Variants in HLA-DQB1 observed in about 807,000 individuals in gnomAD.
HLA-DQB1 encodes the protein major histocompatibility complex, class II, DQ beta 1.
In HLA-DQB1, 13 loss-of-function variants were observed where a neutral mutation model predicts 26.4. The ratio of observed to expected loss-of-function variants is 0.49; its 90% confidence interval spans 0.32 to 0.78. The LOEUF is 0.78. Ranked by LOEUF, HLA-DQB1 falls within the 30% of genes least tolerant of loss-of-function variation. HLA-DQB1 has a pLI of 0.03. For synonymous variants in HLA-DQB1, 60 were observed against 129.1 expected, an observed-to-expected ratio of 0.46 and a Z score of 3.63; for missense variants, 158 against 326.2, an observed-to-expected ratio of 0.48 and a Z score of 3.97.
chr6:32,666,341 A>G (rs68082907), intron 1 of HLA-DQB1, among the ~76,000 whole-genome samples, 158 bp downstream of exon 1: 26,153 of 149,920 alleles, frequency 0.17, 2,584 homozygotes, highest in South Asian at 0.22. Context: ...TCACTAAAAG[A>G]TAAATGGGAA....
At chr6:32,659,628 C>G (rs1130455) in exon 5 of HLA-DQB1, 27,442 of 151,464 alleles carry the variant, frequency 0.18, 2,666 homozygotes, top group South Asian at 0.23. Context: ...ACAGCACTCA[C>G]CAAACCAGAA....
chr6:32,666,143 G>A lies in HLA-DQB1; in HGVS notation c.109+356C>T, dbSNP rs281861148. Among the ~76,000 whole-genome samples, 1,896 of 145,830 alleles carry A rather than the reference G, an allele frequency of 0.013. 100 individuals are homozygous for A. The South Asian group carries it at 0.14, about 11-fold the overall frequency. ...GATCTCATAATCCTAAGTCCAGGCA[G>A]TCTTGGGGCACGCCTAAATGACAAA... On this transcript the variant is annotated intron_variant, in intron 1 of 4. Coordinates refer to ENST00000434651, the Ensembl canonical transcript of HLA-DQB1.
At chr6:32,665,014 G>C in exon 2 of HLA-DQB1, 1 of 1,388,038 alleles carries the variant, frequency 7.2e-7, no homozygotes, top group Non-Finnish European at 1.0e-6. Flanking sequence ...AGACGCACGC[G>C]CTCCGTCCCG....
intron 3 of HLA-DQB1, 82 bp downstream of exon 3, chr6:32,661,885 G>T (rs9273877): frequency 1.9e-6 from 2 of 1,056,158 alleles, no homozygotes; most frequent in Non-Finnish European, 2.8e-6. Flanking sequence ...GTGACATCAG[G>T]GATAAGAGAT....
In HLA-DQB1 at chr6:32,666,421, C is replaced by A. The variant is rs281860915; in HGVS notation, c.109+78G>T. On this transcript the variant is annotated intron_variant, in intron 1 of 4. Transcript: ENST00000434651. ...AGATTGTGTCCAAGATCATAGAGAT[C>A]ACCATCCCCCATACCCCAGCCCAAG... The A allele has an allele frequency of 1.4e-3, 685 of 495,614 alleles. 20 individuals are homozygous for A. Among genetic ancestry groups the A allele is most frequent in the African/African-American group, 0.013 (521 of 39,806 alleles). 30.7% of individuals were successfully genotyped at this position (495,614 alleles called of 1,614,324 possible). A position where few individuals can be genotyped will look rare whatever the true frequency, so the allele number is the denominator to read the frequency against.
rs9273851 is a variant in HLA-DQB1 at position 32,661,824 on chromosome 6, C to T, written c.661+143G>A. On this transcript the variant is annotated intron_variant, in intron 3 of 4. Transcript: ENST00000434651. ...ATGAGACCAGGATTCTTCTGATGCACTTGCCATGGAGCAAGAGGTGCTCTA... is the reference window on the plus strand; with the variant it reads ...ATGAGACCAGGATTCTTCTGATGCATTTGCCATGGAGCAAGAGGTGCTCTA... 1.4e-5 allele frequency: 10 copies of T among 691,056 alleles called. No individual in the cohort carries two copies. In the East Asian group the frequency reaches 2.1e-4, roughly 14 times the overall value. The allele number at this position is 691,056 out of a possible 1,614,324, so 42.8% of individuals were successfully genotyped here.
Position 32,662,005 on chromosome 6 carries a change from TC to T in HLA-DQB1, c.622del (p.Glu208SerfsTer25). The T allele has an allele frequency of 6.5e-7, 1 of 1,546,078 alleles. No individual in the cohort carries two copies. The highest frequency in any genetic ancestry group is 8.8e-7 in the Non-Finnish European group (1 of 1,135,486). On this transcript the variant is annotated frameshift_variant, in exon 3 of 5. Transcript: ENST00000434651. LOFTEE classifies it high-confidence loss of function. The stretch of plus-strand genomic sequence containing the variant: ...GATGGGGCTCTGGAGGCTGGGGTGC[TC>T]CACGTGGCAGGTGTAGACATCTCCA...
In HLA-DQB1 at chr6:32,660,330, G is replaced by T. The variant is rs1561982057; in HGVS notation, c.773-81C>A. On this transcript the variant is annotated intron_variant, in intron 4 of 4. Transcript: ENST00000434651. ...CTCCCCCACCCTTCAGGGGCCCCCT[G>T]CAGCTTCAGACAGAGAAAGTTGAGG... 2.1e-5 allele frequency: 15 copies of T among 697,970 alleles called. 2 individuals are homozygous for T. The highest frequency in any genetic ancestry group is 9.1e-4 in the Middle Eastern group (2 of 2,196). 43.2% of individuals were successfully genotyped at this position (697,970 alleles called of 1,614,324 possible).
intron 1 of HLA-DQB1, 31 bp from the exon 2 acceptor site, chr6:32,665,098 CCCCAG>C: frequency 1.8e-6 from 2 of 1,113,828 alleles, no homozygotes; most frequent in Non-Finnish European, 2.4e-6. Flanking sequence ...GTCAGTCAGG[CCCCAG>C]CCCGGCCGCC....
chr6:32,659,998 C>A, exon 5 of HLA-DQB1: 1 of 298,070 alleles, frequency 3.4e-6, no homozygotes, highest in Non-Finnish European at 6.3e-6. Flanking sequence ...CCCTTGGGAC[C>A]TGAGTAGACG....
At chr6:32,666,246 G>A (rs281861065) in intron 1 of HLA-DQB1, among the ~76,000 whole-genome samples, 1 of 95,084 alleles carries the variant, frequency 1.1e-5, no homozygotes, top group African/African-American at 3.6e-5. Flanking sequence ...GGTAGTAAAT[G>A]TACACTTTAT....
intron 3 of HLA-DQB1, 131 bp downstream of exon 3, chr6:32,661,836 C>G (rs41270907): frequency 0.16 from 121,711 of 746,334 alleles, 11,807 homozygotes; most frequent in Middle Eastern, 0.27. Flanking sequence ...TGCCATGGAG[C>G]AAGAGGTGCT....
intron 2 of HLA-DQB1, chr6:32,663,415 G>GAAAGGATCATTTTGTCC (rs9282143): frequency 7.9e-6 from 1 of 126,710 alleles, no homozygotes. Context: ...TTTCAATGCC[G>GAAAGGATCATTTTGTCC]CATTAACACA....
intron 4 of HLA-DQB1, 25 bp downstream of exon 4, chr6:32,661,322 C>T (rs9273601): frequency 1.4e-6 from 2 of 1,382,866 alleles, no homozygotes; most frequent in African/African-American, 1.4e-5. Flanking sequence ...AGCCCATCTT[C>T]CCCTTTTCCC....
intron 4 of HLA-DQB1, chr6:32,660,683 T>C: frequency 2.3e-6 from 1 of 441,698 alleles, no homozygotes; most frequent in Non-Finnish European, 4.1e-6. Context: ...TAAGGCTTGG[T>C]TCTGGGGAAC....
Position 32,665,110 on chromosome 6 carries a change from C to CCCAGCCCG in HLA-DQB1, c.110-44_110-43insCGGGCTGG, listed in dbSNP as rs41268312. 5.3e-5 allele frequency: 55 copies of CCCAGCCCG among 1,029,040 alleles called. 3 individuals are homozygous for CCCAGCCCG. The highest frequency in any genetic ancestry group is 1.4e-4 in the Admixed American group (4 of 29,206). The allele number at this position is 1,029,040 out of a possible 1,614,324, so 63.7% of individuals were successfully genotyped here. A position where few individuals can be genotyped will look rare whatever the true frequency, so the allele number is the denominator to read the frequency against. On this transcript the variant is annotated intron_variant, in intron 1 of 4. Coordinates refer to ENST00000434651, the Ensembl canonical transcript of HLA-DQB1. ...CCGGTCAGTCAGGCCCCAGCCCGGCCGCCCCCGCAGCCGCCGCCCTGACCC... is the reference window on the plus strand; with the variant it reads ...CCGGTCAGTCAGGCCCCAGCCCGGCCCCAGCCCGGCCCCCGCAGCCGCCGCCCTGACCC...
At chr6:32,665,137 G>C (rs281861992) in intron 1 of HLA-DQB1, 70 bp from the exon 2 acceptor site, 1 of 955,716 alleles carries the variant, frequency 1.0e-6, no homozygotes, top group Non-Finnish European at 1.4e-6. Flanking sequence ...CCCTGACCCG[G>C]CCTGGAGCTG....
chr6:32,663,754 T>C (rs281863255), intron 2 of HLA-DQB1: 1 of 110,436 alleles, frequency 9.1e-6, no homozygotes. Flanking sequence ...GAATGTTTAT[T>C]CCTGAAGTGG....
At chr6:32,665,419 A>G (rs9274440) in intron 1 of HLA-DQB1, among the ~76,000 whole-genome samples, 56,160 of 132,194 alleles carry the variant, frequency 0.42, 15,392 homozygotes, top group Middle Eastern at 0.59. Flanking sequence ...AAGCTCCTGG[A>G]TACCTCAGAG....
Sources: gnomAD v4.1 joint callset for allele counts (sites outside exome capture counted in the v4.1 genomes callset) on GRCh38, gnomAD v4.1.1 for gene constraint, MANE v1.5 for transcripts, NCBI Gene and HGNC (gene_info 2026-07-23, HGNC 2026-07-21) for gene names.